The following GALNT9 variants were observed in gnomAD, a reference collection of about 807,000 sequenced individuals.
The protein encoded by GALNT9 is polypeptide N-acetylgalactosaminyltransferase 9, also known as GalNAc transferase 9.
In GALNT9, 47 loss-of-function variants were observed where a neutral mutation model predicts 63.1. The observed-to-expected ratio is 0.75, with a 90% CI of 0.59 to 0.95. The LOEUF (loss-of-function observed/expected upper bound fraction) is 0.95. Ranked by LOEUF, GALNT9 falls within the 40% of genes least tolerant of loss-of-function variation. The pLI, the probability that GALNT9 is intolerant of heterozygous loss-of-function variation, is 0.00. For missense variants in GALNT9, 829 were observed against 874.8 expected (o/e 0.95, Z 0.66); for synonymous variants, 396 against 365.7 (o/e 1.08, Z -0.94).
Position 132,329,081 on chromosome 12 carries a change from C to T in GALNT9, c.123G>A (p.Val41=), listed in dbSNP as rs782402117. The change falls in exon 1 of 11, where the codon GTG becomes GTA. Residue 41 remains valine, a synonymous_variant. Coordinates refer to ENST00000328957, the MANE Select transcript of GALNT9 (RefSeq NM_001122636.2). ...QGRSQELVRI[V]SGDRRVRSRH... is the part of the protein sequence containing the mutation. ...GGCTGCGCACCCGGCGGTCGCCGCTCACGATGCGCACGAGCTCCTGGGAGC... is the reference window on the plus strand; with the variant it reads ...GGCTGCGCACCCGGCGGTCGCCGCTTACGATGCGCACGAGCTCCTGGGAGC... 1.6e-4 allele frequency: 243 copies of T among 1,548,144 alleles called. No individual in the cohort carries two copies. Among genetic ancestry groups the T allele is most frequent in the Non-Finnish European group, 1.9e-4 (223 of 1,146,446 alleles).
At position 132,321,180 on chromosome 12, in the gene GALNT9, GGAGTCGAGGCCCCTGTTGGTCCA is replaced by G. The variant is rs1239395158; in HGVS notation, c.238+7763_238+7785del. On this transcript the variant is annotated intron_variant, in intron 1 of 10. Coordinates refer to ENST00000328957, the MANE Select transcript of GALNT9 (RefSeq NM_001122636.2). ...CCTGACTGAGGGTGCCTGTGGGTCC[GGAGTCGAGGCCCCTGTTGGTCCA>G]GAGTCGAGGCCCCTGTGGGTCTGGA... Among the ~76,000 whole-genome samples, 19 of 151,404 alleles carry G rather than the reference GGAGTCGAGGCCCCTGTTGGTCCA, an allele frequency of 1.3e-4. 1 individual carries two copies. The highest frequency in any genetic ancestry group is 4.2e-4 in the South Asian group (2 of 4,794).
intron 6 of GALNT9, among the ~76,000 whole-genome samples, chr12:132,239,545 C>T (rs1379942587): frequency 1.4e-5 from 2 of 146,438 alleles, no homozygotes; most frequent in Non-Finnish European, 3.0e-5. Context: ...GAGACAGAGT[C>T]AGAGACAGTC....
At chr12:132,287,811 T>G (rs1279726031) in intron 1 of GALNT9, among the ~76,000 whole-genome samples, 1 of 151,832 alleles carries the variant, frequency 6.6e-6, no homozygotes. Flanking sequence ...AGACGCGGCT[T>G]GGAGATGCTG....
rs183062780 is a variant in GALNT9, at chr12:132,258,332, C to T, written c.762-446G>A. 2.1e-3 allele frequency among the ~76,000 whole-genome samples: 321 copies of T among 152,314 alleles called. 1 individual carries two copies. Among genetic ancestry groups the T allele is most frequent in the Middle Eastern group, 3.4e-3 (1 of 294 alleles). ...TTAATTGAGGATCTACTATGTGCCA[C>T]GCCCTGTTCCCACAAATTGGAATAC... On this transcript the variant is annotated intron_variant, in intron 4 of 10. Coordinates refer to ENST00000328957, the MANE Select transcript of GALNT9 (RefSeq NM_001122636.2).
At chr12:132,257,554 CGCCCTCGTCCCCACGCCCTCGTCCCCA>C (rs1879179939) in intron 5 of GALNT9, 108 bp downstream of exon 5, 6 of 291,916 alleles carry the variant, frequency 2.1e-5, no homozygotes, top group Admixed American at 5.0e-5. Flanking sequence ...CTCGTCCCCA[CGCCCTCGTCCCCACGCCCTCGTCCCCA>C]GCCCTCGTCC....
At chr12:132,328,387 A>G (rs1869135251) in intron 1 of GALNT9, among the ~76,000 whole-genome samples, 2 of 152,172 alleles carry the variant, frequency 1.3e-5, no homozygotes, top group African/African-American at 4.8e-5. Flanking sequence ...CTCAGGTCTC[A>G]GCTTCAAGCT....
At chr12:132,222,424 A>T (rs1210213378) in intron 6 of GALNT9, among the ~76,000 whole-genome samples, 10 of 152,228 alleles carry the variant, frequency 6.6e-5, no homozygotes, top group African/African-American at 2.2e-4. Flanking sequence ...CACAAAAAGT[A>T]GATACAGTTC....
intron 6 of GALNT9, among the ~76,000 whole-genome samples, chr12:132,228,848 ATTTTCCTCTAACTGGCTCTAGGAC>A (rs1164915408): frequency 6.6e-6 from 1 of 152,114 alleles, no homozygotes; most frequent in Non-Finnish European, 1.5e-5. Context: ...CGATGGACTC[ATTTTCCTCTAACTGGCTCTAGGAC>A]TTTCCTCATT....
intron 6 of GALNT9, among the ~76,000 whole-genome samples, chr12:132,234,679 T>A: frequency 1.1e-4 from 2 of 18,460 alleles, no homozygotes; most frequent in Non-Finnish European, 1.8e-4. Flanking sequence ...CTCGATGGCG[T>A]GAGAGAGGAG....
rs80097491 is a variant in GALNT9 at position 132,209,978 on chromosome 12, G to A, written c.1078-6288C>T. Among the ~76,000 whole-genome samples, 454 of 152,270 alleles carry A rather than the reference G, an allele frequency of 3.0e-3. 1 individual carries two copies. The highest frequency in any genetic ancestry group is 0.01 in the African/African-American group (434 of 41,550). On this transcript the variant is annotated intron_variant, in intron 6 of 10. Coordinates refer to ENST00000328957, the MANE Select transcript of GALNT9 (RefSeq NM_001122636.2). Reference sequence around the variant, plus strand: ...TCACTTTACTCTGTGGACTCGCCCCGAATTCTGCCTTGTACAAGATCCAAG... The same window carrying A: ...TCACTTTACTCTGTGGACTCGCCCCAAATTCTGCCTTGTACAAGATCCAAG...
chr12:132,328,428 G>A (rs1036141347), intron 1 of GALNT9, among the ~76,000 whole-genome samples: 6 of 152,110 alleles, frequency 3.9e-5, no homozygotes, highest in Admixed American at 6.5e-5. Flanking sequence ...ACGCGGCCTC[G>A]GGCACCCCCA....
chr12:132,264,260 G>A (rs1464380361), intron 2 of GALNT9, among the ~76,000 whole-genome samples: 3 of 152,246 alleles, frequency 2.0e-5, no homozygotes, highest in Non-Finnish European at 4.4e-5. Flanking sequence ...GAGGCCCCCG[G>A]GACGCTGGCC....
At position 132,316,413 on chromosome 12, in the gene GALNT9, T is replaced by C. The variant is rs1338288432; in HGVS notation, c.238+12553A>G. ...CTTCCTTTAAAAATCTATTTAGTGC[T>C]ATAGCTTCACTAAAAAAGGAAAAAG... On this transcript the variant is annotated intron_variant, in intron 1 of 10. Transcript: ENST00000328957. The surrounding 1 kb of genome is among the most constrained non-coding windows in gnomAD (Gnocchi z 4.3). Among the ~76,000 whole-genome samples, 1 of 152,118 alleles carries C rather than the reference T, an allele frequency of 6.6e-6. No homozygotes were observed. Among genetic ancestry groups the C allele is most frequent in the African/African-American group, 2.4e-5 (1 of 41,394 alleles).
chr12:132,227,195 G>A (rs1877727101), intron 6 of GALNT9, among the ~76,000 whole-genome samples: 1 of 152,154 alleles, frequency 6.6e-6, no homozygotes, highest in African/African-American at 2.4e-5. Context: ...GAGAGACTCA[G>A]ATACAGGAAG....
chr12:132,246,161 G>A lies in GALNT9; in HGVS notation c.1077+1749C>T, dbSNP rs927602097. Among the ~76,000 whole-genome samples, 1 of 152,258 alleles carries A rather than the reference G, an allele frequency of 6.6e-6. No individual in the cohort carries two copies. Among genetic ancestry groups the A allele is most frequent in the Admixed American group, 6.5e-5 (1 of 15,288 alleles). On this transcript the variant is annotated intron_variant, in intron 6 of 10. Transcript: ENST00000328957. This position sits in a 1 kb window ranked among gnomAD's most constrained non-coding sequence, Gnocchi z 4.7. ...TCCACGGCCGACCCGCCAAGGTCTGGTGTTTAACAATCACAGCAGTTAAGG... is the reference window on the plus strand; with the variant it reads ...TCCACGGCCGACCCGCCAAGGTCTGATGTTTAACAATCACAGCAGTTAAGG...
chr12:132,307,042 C>G (rs1372309181), intron 1 of GALNT9, among the ~76,000 whole-genome samples: 1 of 152,028 alleles, frequency 6.6e-6, no homozygotes, highest in African/African-American at 2.4e-5. Context: ...TGTGAGGGGA[C>G]CTGTGCCCGC....
At chr12:132,223,026 ACCCGT>A in intron 6 of GALNT9, among the ~76,000 whole-genome samples, 1 of 24,766 alleles carries the variant, frequency 4.0e-5, no homozygotes, top group Non-Finnish European at 8.0e-5. Context: ...ACCCTACACA[ACCCGT>A]ACCCCACACA....
intron 1 of GALNT9, among the ~76,000 whole-genome samples, chr12:132,313,468 T>C (rs1363607734): frequency 2.3e-5 from 3 of 128,112 alleles, no homozygotes; most frequent in African/African-American, 6.1e-5. Context: ...CACCCACCCA[T>C]CCACCCACCT....
At position 132,201,202 on chromosome 12, in the gene GALNT9, C is replaced by T. The variant is rs1179886169; in HGVS notation, c.1323G>A (p.Lys441=). The T allele has an allele frequency of 6.2e-7, 1 of 1,612,946 alleles. No homozygotes were observed. The part of the protein sequence containing the change: ...SERLALRQRL[K]CRSFKWYLEN... ...CCAGGTACCACTTGAAGCTGCGACA[C>T]TTCAGCCTCTGACGCAGGGCCAGCC... Residue 441 remains lysine, a synonymous_variant, in exon 8 of 11, where the codon AAG becomes AAA. Coordinates refer to ENST00000328957, the MANE Select transcript of GALNT9 (RefSeq NM_001122636.2).
Sources: gnomAD v4.1 joint callset for allele counts (sites outside exome capture counted in the v4.1 genomes callset) on GRCh38, gnomAD v4.1.1 for gene constraint, Gnocchi (gnomAD v3.1) non-coding constraint, MANE v1.5 for transcripts, NCBI Gene and HGNC (gene_info 2026-07-23, HGNC 2026-07-21) for gene names.